Variants in CFAP20DC observed in about 807,000 individuals in gnomAD.
The protein encoded by CFAP20DC is protein CFAP20DC.
In CFAP20DC, 84 loss-of-function variants were observed where a neutral mutation model predicts 101.7. The ratio of observed to expected loss-of-function variants is 0.83; its 90% CI spans 0.69 to 0.99. CFAP20DC has a LOEUF of 0.99. CFAP20DC is among the 50% of genes least tolerant of loss of function. The pLI, the probability that CFAP20DC is intolerant of heterozygous loss-of-function variation, is 0.00. For missense variants in CFAP20DC, 1,007 were observed against 970.3 expected, an observed-to-expected ratio of 1.04 and a Z score of -0.50; for synonymous variants, 359 against 351.2, an observed-to-expected ratio of 1.02 and a Z score of -0.25.
Position 58,884,665 on chromosome 3 carries a change from T to C in CFAP20DC, c.595A>G (p.Ile199Val), listed in dbSNP as rs1016048917. ...GTCATTAGTTGACAGCTTCGTGGTA[T>C]AATATCTGTAGGCTCATCTGTTGAA... The part of the protein sequence containing the change: ...PFSTDEPTDI[I>V]PRSCQLMTDV... Residue 199 changes from isoleucine (I) to valine (V), a missense_variant, in exon 7 of 17, where the codon ATA (isoleucine) becomes GTA (valine). Ile to Val is a conservative substitution (Grantham distance 29). Transcript: ENST00000482387. 5 of 1,613,738 alleles carry C rather than the reference T, an allele frequency of 3.1e-6. No individual in the cohort carries two copies. The Admixed American group carries it at 5.0e-5, about 16-fold the overall frequency.
intron 14 of CFAP20DC, among the ~76,000 whole-genome samples, chr3:58,828,808 GA>G (rs376208132): frequency 1.0e-4 from 15 of 144,168 alleles, no homozygotes; most frequent in East Asian, 8.0e-4. Context: ...AATAAATACT[GA>G]AAAAAAAAAG....
chr3:58,915,070 C>T (rs923418958), intron 5 of CFAP20DC: 11 of 152,084 alleles, frequency 7.2e-5, no homozygotes, highest in African/African-American at 2.4e-4. Flanking sequence ...CACTGCGGTT[C>T]TTTACAAAAG....
At chr3:58,851,751 A>G (rs975412850) in intron 12 of CFAP20DC, among the ~76,000 whole-genome samples, 1 of 152,152 alleles carries the variant, frequency 6.6e-6, no homozygotes, top group Non-Finnish European at 1.5e-5. Flanking sequence ...AACTGAAAAA[A>G]AAACATGCCT....
intron 3 of CFAP20DC, among the ~76,000 whole-genome samples, chr3:58,720,988 G>A (rs1476375643): frequency 6.6e-6 from 1 of 152,160 alleles, no homozygotes; most frequent in Non-Finnish European, 1.5e-5. Flanking sequence ...GAGAGGAGAA[G>A]CACTTGGTGG....
chr3:58,919,559 T>C (rs932300697), intron 5 of CFAP20DC, among the ~76,000 whole-genome samples: 1 of 152,236 alleles, frequency 6.6e-6, no homozygotes, highest in Non-Finnish European at 1.5e-5. Context: ...AGATTTCAAC[T>C]GGAATTAGAT....
Position 59,002,490 on chromosome 3 carries a change from C to T in CFAP20DC, c.278+37067G>A, listed in dbSNP as rs1391693818. 6.6e-6 allele frequency among the ~76,000 whole-genome samples: 1 copy of T among 152,178 alleles called. No individual in the cohort carries two copies. Among genetic ancestry groups the T allele is most frequent in the African/African-American group, 2.4e-5 (1 of 41,450 alleles). On this transcript the variant is annotated intron_variant, in intron 4 of 16. Coordinates refer to ENST00000482387, the MANE Select transcript of CFAP20DC (RefSeq NM_001394063.1). The surrounding 1 kb of genome is among the most constrained non-coding windows in gnomAD (Gnocchi z 4.5). The stretch of plus-strand genomic sequence containing the variant: ...ATACTAAGAACTATCACTGATGATA[C>T]TACCATTTTGATTTTTAAAAATATC...
chr3:58,918,255 G>A (rs1270911398), intron 5 of CFAP20DC, among the ~76,000 whole-genome samples: 1 of 152,186 alleles, frequency 6.6e-6, no homozygotes, highest in Non-Finnish European at 1.5e-5. Flanking sequence ...GGCAGTGGGA[G>A]AGGGTGTACG....
intron 14 of CFAP20DC, among the ~76,000 whole-genome samples, chr3:58,807,848 C>T (rs1223606227): frequency 1.3e-5 from 2 of 152,112 alleles, no homozygotes; most frequent in South Asian, 2.1e-4. Context: ...ACTAGAATAA[C>T]CAATACAGAG....
chr3:58,916,988 T>C (rs1018433487), intron 5 of CFAP20DC, among the ~76,000 whole-genome samples: 3 of 152,204 alleles, frequency 2.0e-5, no homozygotes, highest in African/African-American at 7.2e-5. Flanking sequence ...TCTTGATCTC[T>C]AATTACTATA....
At chr3:58,846,537 A>G (rs1230646615) in intron 13 of CFAP20DC, among the ~76,000 whole-genome samples, 1 of 150,736 alleles carries the variant, frequency 6.6e-6, no homozygotes, top group Non-Finnish European at 1.5e-5. Flanking sequence ...ATGGAAGAAC[A>G]TTCCATGCTC....
intron 15 of CFAP20DC, among the ~76,000 whole-genome samples, chr3:58,766,784 G>A (rs2070356828): frequency 6.6e-6 from 1 of 152,106 alleles, no homozygotes; most frequent in Non-Finnish European, 1.5e-5. Flanking sequence ...CCATCACTGG[G>A]CCTTTGCCCA....
At chr3:58,760,257 G>T (rs1247417648) in intron 15 of CFAP20DC, among the ~76,000 whole-genome samples, 1 of 152,114 alleles carries the variant, frequency 6.6e-6, no homozygotes, top group African/African-American at 2.4e-5. Flanking sequence ...CACATCCCTT[G>T]TAAGTTGGAT....
At chr3:58,947,639 T>G (rs570897253) in intron 4 of CFAP20DC, among the ~76,000 whole-genome samples, 1 of 152,244 alleles carries the variant, frequency 6.6e-6, no homozygotes, top group East Asian at 1.9e-4. Context: ...TTCTTGTGAG[T>G]TTTTTGGCCA....
In CFAP20DC at chr3:58,924,810, C is replaced by T. The variant is rs531824661; in HGVS notation, c.394-10946G>A. Among the ~76,000 whole-genome samples the T allele has an allele frequency of 5.3e-5, 8 of 152,136 alleles. No homozygotes were observed. The East Asian group carries it at 1.2e-3, about 22-fold the overall frequency. On this transcript the variant is annotated intron_variant, in intron 5 of 16. Transcript: ENST00000482387. ...GGTATTTCACTGTGGTTTTAATTTG[C>T]ATTTCTTTGACGATTATTGATGTGG...
At chr3:58,730,746 G>A (rs887763322) in intron 3 of CFAP20DC, among the ~76,000 whole-genome samples, 22 of 152,110 alleles carry the variant, frequency 1.4e-4, no homozygotes, top group African/African-American at 4.6e-4. Flanking sequence ...CTCCCCAAAT[G>A]ACAAACACAT....
At chr3:59,000,163 A>G (rs969268876) in intron 4 of CFAP20DC, among the ~76,000 whole-genome samples, 3 of 152,192 alleles carry the variant, frequency 2.0e-5, no homozygotes, top group Admixed American at 1.3e-4. Context: ...CTGAAAACAC[A>G]CATACTTTAC....
chr3:58,883,107 T>C (rs1231715906), intron 7 of CFAP20DC, among the ~76,000 whole-genome samples: 1 of 152,224 alleles, frequency 6.6e-6, no homozygotes, highest in Non-Finnish European at 1.5e-5. Context: ...TTTCATATCA[T>C]GGTTATCTCT....
intron 14 of CFAP20DC, among the ~76,000 whole-genome samples, chr3:58,818,545 G>A (rs1304164258): frequency 6.7e-6 from 1 of 150,154 alleles, no homozygotes; most frequent in Admixed American, 6.6e-5. Flanking sequence ...AGACAAAGAA[G>A]GCCATTACAT....
chr3:58,879,199 A>G (rs1227245635), intron 7 of CFAP20DC, among the ~76,000 whole-genome samples: 1 of 152,200 alleles, frequency 6.6e-6, no homozygotes, highest in African/African-American at 2.4e-5. Flanking sequence ...GGATGTTCTC[A>G]TCACCAAGAA....
Sources: gnomAD v4.1 joint callset for allele counts (sites outside exome capture counted in the v4.1 genomes callset) on GRCh38, gnomAD v4.1.1 for gene constraint, Gnocchi (gnomAD v3.1) non-coding constraint, MANE v1.5 for transcripts, NCBI Gene and HGNC (gene_info 2026-07-23, HGNC 2026-07-21) for gene names.